Variants in FUS observed in about 807,000 individuals in gnomAD.
The protein encoded by FUS is FUS RNA binding protein.
FUS carries 5 observed loss-of-function variants against 82.7 expected under a neutral mutation model. The observed-to-expected ratio is 0.06, with a 90% CI of 0.03 to 0.13. The LOEUF is 0.13. Among genes scored for constraint, FUS ranks in the 10% least tolerant of loss-of-function variants. FUS has a pLI of 1.00. For missense variants in FUS, 512 were observed against 707.8 expected (o/e 0.72, Z 3.14); for synonymous variants, 281 against 247.4 (o/e 1.14, Z -1.27).
intron 6 of FUS, chr16:31,185,819 A>G (rs1233980285): frequency 3.6e-6 from 1 of 279,458 alleles, no homozygotes; most frequent in African/African-American, 2.1e-5. Context: ...CTGGTTACTT[A>G]AAATTCATCA....
intron 5 of FUS, 51 bp downstream of exon 5, chr16:31,184,447 T>G: frequency 6.6e-7 from 1 of 1,524,802 alleles, no homozygotes; most frequent in Non-Finnish European, 8.9e-7. Flanking sequence ...TCTTTTTTTT[T>G]TTTTTTTTGA....
chr16:31,180,928 T>A (rs1473899643), intron 1 of FUS, among the ~76,000 whole-genome samples: 2 of 151,886 alleles, frequency 1.3e-5, no homozygotes, highest in Middle Eastern at 3.2e-3. Flanking sequence ...CTTTTTTTTT[T>A]TGGAGACACG....
intron 10 of FUS, 121 bp from the exon 11 acceptor site, chr16:31,189,919 G>T: frequency 1.3e-6 from 2 of 1,581,866 alleles, no homozygotes; most frequent in Non-Finnish European, 1.7e-6. Context: ...GTTTCAGGTA[G>T]TCTCATTTTT....
intron 12 of FUS, 73 bp from the exon 13 acceptor site, chr16:31,190,669 C>T (rs912546157): frequency 3.1e-5 from 44 of 1,397,816 alleles, no homozygotes; most frequent in Admixed American, 1.8e-4. Context: ...CTAAAGTCAC[C>T]GTAGTTTCTT....
rs746954320 is a variant in FUS at position 31,191,510 on chromosome 16, C to T, written c.*72C>T. ...AGTGTTACCCTCGTTATTTTGTAAC[C>T]TTCCAATTCCTGATCACCCAAGGGT... On this transcript the variant is annotated 3_prime_UTR_variant, in exon 15 of 15. Transcript: ENST00000254108. 1 of 1,506,938 alleles carries T rather than the reference C, an allele frequency of 6.6e-7. No individual in the cohort carries two copies. Among genetic ancestry groups the T allele is most frequent in the South Asian group, 1.1e-5 (1 of 88,712 alleles). 93.3% of individuals were successfully genotyped at this position (1,506,938 alleles called of 1,614,324 possible).
Position 31,191,164 on chromosome 16 carries a change from A to G in FUS, c.1541+54A>G. On this transcript the variant is annotated intron_variant, in intron 14 of 14. Coordinates refer to ENST00000254108, the MANE Select transcript of FUS (RefSeq NM_004960.4). ...AGAGCAGTTGAACAGAGGCCATAGGATAACAGGGTTTTGTTGAGAAAGTGG... is the reference window on the plus strand; with the variant it reads ...AGAGCAGTTGAACAGAGGCCATAGGGTAACAGGGTTTTGTTGAGAAAGTGG... 1.9e-6 allele frequency: 3 copies of G among 1,600,954 alleles called. No individual in the cohort carries two copies. The South Asian group carries it at 3.3e-5, about 18-fold the overall frequency.
downstream of FUS, chr16:31,192,918 G>T: frequency 2.1e-6 from 1 of 485,330 alleles, no homozygotes; most frequent in South Asian, 1.5e-5. Flanking sequence ...CTCTACTGAA[G>T]AGTTGCTGCA....
In FUS at chr16:31,182,598, A is replaced by G; in HGVS notation, c.124A>G (p.Ser42Gly). ...PYGQQSYSGY[S>G]QSTDTSGYGQ... ...CGGACAGCAGAGTTACAGTGGTTAT[A>G]GCCAGTCCACGGACACTTCAGGCTA... The change falls in exon 3 of 15, where the codon AGC (serine) becomes GGC (glycine). Residue 42 changes from serine (S) to glycine (G), a missense_variant. By Grantham distance (56) the Ser-to-Gly change is moderately conservative (BLOSUM62 0). This residue lies in a region of FUS where 276 missense variants were observed against 303.3 expected (regional missense o/e 0.91). Coordinates refer to ENST00000254108, the MANE Select transcript of FUS (RefSeq NM_004960.4). The G allele has an allele frequency of 6.2e-7, 1 of 1,614,208 alleles. No individual in the cohort carries two copies. Among genetic ancestry groups the G allele is most frequent in the Non-Finnish European group, 8.5e-7 (1 of 1,180,026 alleles).
Position 31,186,943 on chromosome 16 carries a change from T to C in FUS, c.799+107T>C, listed in dbSNP as rs1015007115. 8 of 1,127,870 alleles carry C rather than the reference T, an allele frequency of 7.1e-6. No individual in the cohort carries two copies. The African/African-American group carries it at 1.1e-4, about 15-fold the overall frequency. 69.9% of individuals were successfully genotyped at this position (1,127,870 alleles called of 1,614,324 possible). A position where few individuals can be genotyped will look rare whatever the true frequency, so the allele number is the denominator to read the frequency against. On this transcript the variant is annotated intron_variant, in intron 7 of 14. Transcript: ENST00000254108. ...AATTTAAATGTCAAAGGTTTTGAGGTGTCCAGAACCACCTCCAGAAAGGGG... is the reference window on the plus strand; with the variant it reads ...AATTTAAATGTCAAAGGTTTTGAGGCGTCCAGAACCACCTCCAGAAAGGGG...
Position 31,190,794 on chromosome 16 carries a change from G to A in FUS, c.1345G>A (p.Ala449Thr), listed in dbSNP as rs779992306. The change falls in exon 13 of 15, where the codon GCC (alanine) becomes ACC (threonine). Residue 449 changes from alanine to threonine, a missense_variant. Coordinates refer to ENST00000254108, the MANE Select transcript of FUS (RefSeq NM_004960.4). ...GAGGAATGAATGCAACCAGTGTAAG[G>A]CCCCTAAACCAGATGGCCCAGGAGG... The part of the protein sequence containing the change: ...SWRNECNQCK[A>T]PKPDGPGGGP... 2 of 1,614,178 alleles carry A rather than the reference G, an allele frequency of 1.2e-6. 1 individual carries two copies. The highest frequency in any genetic ancestry group is 2.2e-5 in the South Asian group (2 of 91,082).
At chr16:31,184,901 T>A in intron 5 of FUS, 38 bp from the exon 6 acceptor site, 1 of 1,603,780 alleles carries the variant, frequency 6.2e-7, no homozygotes, top group Non-Finnish European at 8.5e-7. Flanking sequence ...TACAATCTTT[T>A]TGTTTTTTTT....
chr16:31,181,194 C>T (rs1247027825), intron 1 of FUS, among the ~76,000 whole-genome samples: 1 of 152,194 alleles, frequency 6.6e-6, no homozygotes, highest in Non-Finnish European at 1.5e-5. Flanking sequence ...GGATTACAGA[C>T]GTAAGCCAAC....
chr16:31,184,193 T>C lies in FUS; in HGVS notation c.336-16T>C. ...ATGCTGGGATTGTGATTGTGTTTTT[T>C]GTTTGTTTTCCCTAGTTACGGTAGC... On this transcript the variant is annotated splice_polypyrimidine_tract_variant and intron_variant, in intron 4 of 14. Coordinates refer to ENST00000254108, the MANE Select transcript of FUS (RefSeq NM_004960.4). The C allele has an allele frequency of 6.2e-7, 1 of 1,614,156 alleles. No individual in the cohort carries two copies. Among genetic ancestry groups the C allele is most frequent in the East Asian group, 2.2e-5 (1 of 44,872 alleles).
At chr16:31,184,107 G>A in intron 4 of FUS, 102 bp from the exon 5 acceptor site, 1 of 1,612,636 alleles carries the variant, frequency 6.2e-7, no homozygotes, top group East Asian at 2.2e-5. Context: ...AATTGGGGTA[G>A]GGGAGCCTGT....
rs186802889 is a variant in FUS at position 31,184,213 on chromosome 16, G to T, written c.340G>T (p.Gly114Cys). The change falls in exon 5 of 15, where the codon GGT becomes TGT. Residue 114 changes from glycine (G) to cysteine (C), a missense_variant. Transcript: ENST00000254108. ...TTTTTTGTTTGTTTTCCCTAGTTACGGTAGCAGTTCTCAGAGCAGCAGCTA... is the reference window on the plus strand; with the variant it reads ...TTTTTTGTTTGTTTTCCCTAGTTACTGTAGCAGTTCTCAGAGCAGCAGCTA... ...PAPSSTSGSY[G>C]SSSQSSSYGQ... 6.2e-7 allele frequency: 1 copy of T among 1,614,070 alleles called. No individual in the cohort carries two copies. Among genetic ancestry groups the T allele is most frequent in the African/African-American group, 1.3e-5 (1 of 75,002 alleles).
intron 10 of FUS, 63 bp from the exon 11 acceptor site, chr16:31,189,977 C>G: frequency 2.6e-6 from 4 of 1,563,652 alleles, no homozygotes; most frequent in Non-Finnish European, 3.5e-6. Flanking sequence ...GCACGCTTCT[C>G]TTGTATTTTC....
chr16:31,182,437 TG>T lies in FUS; in HGVS notation c.38+18del. ...GCAACCCAAAGGTGAGTGCTATTTT[TG>T]GGCTTCCAGAGTTTGTAGAGGGCAA... On this transcript the variant is annotated intron_variant, in intron 2 of 14. Transcript: ENST00000254108. 1 of 1,614,250 alleles carries T rather than the reference TG, an allele frequency of 6.2e-7. No homozygotes were observed. The highest frequency in any genetic ancestry group is 1.7e-5 in the Admixed American group (1 of 60,028).
Position 31,184,253 on chromosome 16 carries a change from G to A in FUS, c.380G>A (p.Ser127Asn). 1 of 1,614,142 alleles carries A rather than the reference G, an allele frequency of 6.2e-7. No homozygotes were observed. The highest frequency in any genetic ancestry group is 8.5e-7 in the Non-Finnish European group (1 of 1,180,018). The stretch of plus-strand genomic sequence containing the variant: ...AGCAGCAGCTATGGGCAGCCCCAGA[G>A]TGGGAGCTACAGCCAGCAGCCTAGC... ...SQSSSYGQPQ[S>N]GSYSQQPSYG... The change falls in exon 5 of 15, where the codon AGT (serine) becomes AAT (asparagine). Residue 127 changes from serine to asparagine, a missense_variant. Transcript: ENST00000254108.
rs1247206623 is a variant in FUS, at chr16:31,184,280, A to T, written c.407A>T (p.Tyr136Phe). 5.0e-6 allele frequency: 8 copies of T among 1,614,124 alleles called. No homozygotes were observed. Among genetic ancestry groups the T allele is most frequent in the Non-Finnish European group, 6.8e-6 (8 of 1,179,992 alleles). ...QSGSYSQQPS[Y>F]GGQQQSYGQQ... ...GGGAGCTACAGCCAGCAGCCTAGCTATGGTGGACAGCAGCAAAGCTATGGA... is the reference window on the plus strand; with the variant it reads ...GGGAGCTACAGCCAGCAGCCTAGCTTTGGTGGACAGCAGCAAAGCTATGGA... The change falls in exon 5 of 15, where the codon TAT (tyrosine) becomes TTT (phenylalanine). Residue 136 changes from tyrosine to phenylalanine, a missense_variant. By Grantham distance (22) the Tyr-to-Phe change is conservative. Around this residue, in one of 6 missense-constraint regions of FUS, gnomAD observed 276 missense variants for 303.3 expected, o/e 0.91. Transcript: ENST00000254108.
Sources: allele counts gnomAD v4.1 joint callset (sites outside exome capture counted in the v4.1 genomes callset), GRCh38; gene constraint gnomAD v4.1.1; regional missense constraint gnomAD v4.1.1; transcripts MANE v1.5; gene names NCBI Gene and HGNC (gene_info 2026-07-23, HGNC 2026-07-21).